Variants in ZFR observed in about 807,000 individuals in gnomAD.
The protein encoded by ZFR is zinc finger RNA-binding protein.
A neutral mutation model predicts 130.7 loss-of-function variants in ZFR; 19 were observed. The observed-to-expected ratio is 0.15, with a 90% CI of 0.10 to 0.21. The LOEUF is 0.21. Among genes scored for constraint, ZFR ranks in the 10% least tolerant of loss-of-function variants. The pLI, the probability that ZFR is intolerant of heterozygous loss-of-function variation, is 1.00. For missense variants in ZFR, 872 were observed against 1,321.5 expected (o/e 0.66, Z 5.27); for synonymous variants, 466 against 456.9 (o/e 1.02, Z -0.25).
chr5:32,395,393 T>C (rs1753280443), intron 10 of ZFR, 89 bp from the exon 11 acceptor site: 1 of 1,122,902 alleles, frequency 8.9e-7, no homozygotes, highest in Non-Finnish European at 1.2e-6. Context: ...TATTCTTTAA[T>C]CACGGAGGCT....
At chr5:32,358,462 CATCCTGGCTAACACGGTGAA>C (rs1177448914) in intron 19 of ZFR, among the ~76,000 whole-genome samples, 9 of 152,258 alleles carry the variant, frequency 5.9e-5, no homozygotes, top group African/African-American at 2.2e-4. Context: ...AGATCCAGAC[CATCCTGGCTAACACGGTGAA>C]ACCCCGTCTC....
intron 2 of ZFR, among the ~76,000 whole-genome samples, chr5:32,439,906 T>C (rs893478110): frequency 2.0e-5 from 3 of 152,078 alleles, no homozygotes; most frequent in Non-Finnish European, 4.4e-5. Flanking sequence ...CATATGCTTT[T>C]ATAAATGTAT....
Position 32,355,885 on chromosome 5 carries a change from G to A in ZFR, c.3100C>T (p.Pro1034Ser). The change falls in exon 20 of 20, where the codon CCA becomes TCA. Residue 1034 changes from proline to serine, a missense_variant. Physicochemically the swap from Pro to Ser is moderately conservative, Grantham distance 74. This residue lies in a region of ZFR where 158 missense variants were observed against 264.0 expected (regional missense o/e 0.60). Coordinates refer to ENST00000265069, the MANE Select transcript of ZFR (RefSeq NM_016107.5). The stretch of plus-strand genomic sequence containing the variant: ...AAACGTTGGCTCATTTGCGGTAATG[G>A]ATCCATGCCTAGAACTTTGTGTATC... ...RQIHKVLGMD[P>S]LPQMSQRFNI... The A allele has an allele frequency of 6.2e-7, 1 of 1,610,298 alleles. No individual in the cohort carries two copies. Among genetic ancestry groups the A allele is most frequent in the Non-Finnish European group, 8.5e-7 (1 of 1,178,822 alleles).
In ZFR at chr5:32,404,823, T is replaced by C. The variant is rs74557344; in HGVS notation, c.1033-726A>G. The stretch of plus-strand genomic sequence containing the variant: ...TGAGTAGGACCAAATGGTTCCTCTG[T>C]TACTCTTTTTTTGAGATGGGTCTCA... On this transcript the variant is annotated intron_variant, in intron 6 of 19. Transcript: ENST00000265069. Among the ~76,000 whole-genome samples, 211 of 152,256 alleles carry C rather than the reference T, an allele frequency of 1.4e-3. 6 individuals carry two copies. In the East Asian group the frequency reaches 0.037, roughly 27 times the overall value.
chr5:32,390,535 A>ACAT, intron 11 of ZFR, 98 bp from the exon 12 acceptor site: 1 of 1,177,160 alleles, frequency 8.5e-7, no homozygotes, highest in Non-Finnish European at 1.1e-6. Flanking sequence ...AACCCCACCA[A>ACAT]CATCAGCCTA....
chr5:32,419,988 C>T lies in ZFR; in HGVS notation c.253G>A (p.Ala85Thr), dbSNP rs1485721490. The T allele has an allele frequency of 1.2e-6, 2 of 1,613,840 alleles. No homozygotes were observed. The highest frequency in any genetic ancestry group is 8.5e-7 in the Non-Finnish European group (1 of 1,180,018). Residue 85 changes from alanine to threonine, a missense_variant, in exon 3 of 20, where the codon GCC becomes ACC. By Grantham distance (58) the Ala-to-Thr change is moderately conservative (BLOSUM62 0). Coordinates refer to ENST00000265069, the MANE Select transcript of ZFR (RefSeq NM_016107.5). ...GCAGGCCTGGCAACTGCAACTGTGG[C>T]GGCTGCTGGTGCATAGGCAGCAGTA... ...TVTAAYAPAA[A>T]TVAVARPAPV...
chr5:32,390,768 T>C (rs1399716033), intron 11 of ZFR, among the ~76,000 whole-genome samples: 6 of 152,186 alleles, frequency 3.9e-5, no homozygotes, highest in Admixed American at 1.3e-4. Context: ...GTAAATGACC[T>C]GAAGTGCACA....
At chr5:32,379,037 T>C in intron 17 of ZFR, 78 bp downstream of exon 17, 1 of 1,076,816 alleles carries the variant, frequency 9.3e-7, no homozygotes, top group Non-Finnish European at 1.4e-6. Context: ...GGCTGATAAT[T>C]ACATGTAAAC....
At chr5:32,441,020 C>A (rs975640954) in intron 2 of ZFR, among the ~76,000 whole-genome samples, 1 of 152,174 alleles carries the variant, frequency 6.6e-6, no homozygotes, top group African/African-American at 2.4e-5. Context: ...TGTTGCCCAG[C>A]CAGAGTGTAA....
intron 17 of ZFR, among the ~76,000 whole-genome samples, chr5:32,378,649 G>A (rs1332708707): frequency 2.0e-5 from 3 of 151,964 alleles, no homozygotes; most frequent in Admixed American, 1.3e-4. Flanking sequence ...CTTTAAATAA[G>A]AAGGCTTTTG....
intron 6 of ZFR, among the ~76,000 whole-genome samples, chr5:32,405,185 G>C (rs1039095961): frequency 2.0e-5 from 3 of 152,176 alleles, no homozygotes; most frequent in Non-Finnish European, 4.4e-5. Flanking sequence ...CCACCAAGCA[G>C]TCTGAGCCTC....
chr5:32,418,580 C>T (rs1419080894), intron 3 of ZFR, among the ~76,000 whole-genome samples: 2 of 152,000 alleles, frequency 1.3e-5, no homozygotes, highest in African/African-American at 4.8e-5. Context: ...GCAGGTAGGG[C>T]CCAGAAAACA....
intron 15 of ZFR, among the ~76,000 whole-genome samples, chr5:32,382,891 C>T (rs2111716559): frequency 6.6e-6 from 1 of 152,026 alleles, no homozygotes; most frequent in Non-Finnish European, 1.5e-5. Flanking sequence ...TTATATTCTG[C>T]TAAAATCATA....
intron 17 of ZFR, among the ~76,000 whole-genome samples, chr5:32,375,898 CA>C (rs1752794537): frequency 6.6e-6 from 1 of 150,588 alleles, no homozygotes; most frequent in Non-Finnish European, 1.5e-5. Context: ...GGCTGGAGTA[CA>C]GTGGCACGAT....
chr5:32,360,609 C>T (rs1752411447), intron 19 of ZFR, among the ~76,000 whole-genome samples: 1 of 152,144 alleles, frequency 6.6e-6, no homozygotes, highest in Non-Finnish European at 1.5e-5. Flanking sequence ...TTTTGACTAT[C>T]ACACATAATG....
chr5:32,415,521 C>CGCGCGCGCGT (rs1753805919), intron 4 of ZFR, among the ~76,000 whole-genome samples: 1 of 71,680 alleles, frequency 1.4e-5, no homozygotes. Flanking sequence ...TGTGTGCGCG[C>CGCGCGCGCGT]GCGCGCGCGC....
intron 16 of ZFR, 133 bp downstream of exon 16, chr5:32,379,942 A>G: frequency 3.2e-6 from 2 of 623,746 alleles, no homozygotes; most frequent in Non-Finnish European, 5.3e-6. Flanking sequence ...CTATGTTAAC[A>G]TATTTTCTGA....
At chr5:32,387,476 G>T (rs998033585) in intron 14 of ZFR, 73 bp downstream of exon 14, 1 of 1,552,070 alleles carries the variant, frequency 6.4e-7, no homozygotes, top group Non-Finnish European at 8.7e-7. Context: ...GGTTTAAACC[G>T]AAGCACAGTC....
At chr5:32,424,615 T>C (rs778306498) in intron 2 of ZFR, among the ~76,000 whole-genome samples, 5 of 151,286 alleles carry the variant, frequency 3.3e-5, no homozygotes, top group Non-Finnish European at 4.4e-5. Context: ...ATGATCCCAA[T>C]AAAAGACTTT....
Sources: gnomAD v4.1 joint callset for allele counts (sites outside exome capture counted in the v4.1 genomes callset) on GRCh38, gnomAD v4.1.1 for gene constraint, gnomAD v4.1.1 regional missense constraint, MANE v1.5 for transcripts, NCBI Gene and HGNC (gene_info 2026-07-23, HGNC 2026-07-21) for gene names.